Variants in NSUN3 observed in about 807,000 individuals in gnomAD.
NSUN3 encodes NOP2/Sun RNA methyltransferase 3, also known as tRNA (cytosine(34)-C(5))-methyltransferase, mitochondrial.
A neutral mutation model predicts 36.8 loss-of-function variants in NSUN3; 24 were observed. That is an observed-to-expected ratio of 0.65 (90% CI 0.47 to 0.92). The LOEUF is 0.92. NSUN3 is among the 40% of genes least tolerant of loss of function. The probability of loss-of-function intolerance (pLI) is 0.00; values close to 1 mark genes in which losing one functional copy is unlikely to be tolerated. For synonymous variants in NSUN3, 146 were observed against 145.2 expected (o/e 1.01, Z -0.04); for missense variants, 381 against 392.8 (o/e 0.97, Z 0.25).
intron 2 of NSUN3, chr3:94,076,414 C>G (rs2077246478): frequency 1.3e-6 from 1 of 798,660 alleles, no homozygotes; most frequent in Non-Finnish European, 2.3e-6. Flanking sequence ...AACAAGTATC[C>G]CAAATCATAA....
intron 4 of NSUN3, 104 bp downstream of exon 4, chr3:94,094,398 C>A: frequency 8.9e-7 from 1 of 1,128,282 alleles, no homozygotes; most frequent in South Asian, 1.7e-5. Flanking sequence ...TAGCCTGATA[C>A]AGTTTCTCAG....
intron 2 of NSUN3, chr3:94,076,909 A>G (rs1294067433): frequency 7.6e-7 from 1 of 1,322,784 alleles, no homozygotes; most frequent in Non-Finnish European, 1.1e-6. Context: ...GAGCATCATC[A>G]TTAGGGAGTT....
intron 5 of NSUN3, among the ~76,000 whole-genome samples, chr3:94,110,395 CTT>C (rs943910941): frequency 6.6e-6 from 1 of 151,856 alleles, no homozygotes; most frequent in Non-Finnish European, 1.5e-5. Context: ...TCAGTGATAA[CTT>C]TGGGTTACAA....
Position 94,130,812 on chromosome 3 carries a change from T to G in NSUN3, c.*4322T>G, listed in dbSNP as rs1021960728. Among the ~76,000 whole-genome samples the G allele has an allele frequency of 6.6e-6, 1 of 152,194 alleles. No individual in the cohort carries two copies. Among genetic ancestry groups the G allele is most frequent in the Non-Finnish European group, 1.5e-5 (1 of 68,028 alleles). Reference sequence around the variant, plus strand: ...CAGAAACCTCTTCCTAGCCACACAGTGGGAGCCTTGTTTGACCTTTTTTAA... The same window carrying G: ...CAGAAACCTCTTCCTAGCCACACAGGGGGAGCCTTGTTTGACCTTTTTTAA... On this transcript the variant is annotated 3_prime_UTR_variant, in exon 6 of 6. Transcript: ENST00000314622.
chr3:94,124,889 C>G (rs895267414), intron 5 of NSUN3, among the ~76,000 whole-genome samples: 2 of 152,032 alleles, frequency 1.3e-5, no homozygotes, highest in African/African-American at 2.4e-5. Flanking sequence ...AATAGAGGCT[C>G]AATAAATAAT....
intron 5 of NSUN3, 57 bp from the exon 6 acceptor site, chr3:94,126,154 C>T (rs762904643): frequency 6.9e-7 from 1 of 1,456,496 alleles, no homozygotes; most frequent in Non-Finnish European, 9.3e-7. Context: ...TGTCAGACCC[C>T]CTGGTTTCTT....
intron 3 of NSUN3, among the ~76,000 whole-genome samples, chr3:94,089,190 C>CT (rs999791020): frequency 3.9e-4 from 60 of 152,072 alleles, no homozygotes; most frequent in Non-Finnish European, 7.6e-4. Flanking sequence ...CTTTGCAGCA[C>CT]TTTTTTTTAC....
At chr3:94,121,288 A>G (rs1022584391) in intron 5 of NSUN3, among the ~76,000 whole-genome samples, 1 of 152,070 alleles carries the variant, frequency 6.6e-6, no homozygotes, top group Non-Finnish European at 1.5e-5. Context: ...TAGGCCAGCA[A>G]TCCTGTCAGT....
At chr3:94,078,544 G>A (rs1289706341) in intron 2 of NSUN3, among the ~76,000 whole-genome samples, 1 of 152,108 alleles carries the variant, frequency 6.6e-6, no homozygotes. Context: ...GGGTGTTAAA[G>A]TCTCCCACTA....
At chr3:94,097,912 A>C (rs928632673) in intron 5 of NSUN3, among the ~76,000 whole-genome samples, 1 of 152,064 alleles carries the variant, frequency 6.6e-6, no homozygotes, top group African/African-American at 2.4e-5. Context: ...AGCTTAGACT[A>C]TCTCTCAAAT....
At chr3:94,064,405 T>C in intron 1 of NSUN3, 32 bp from the exon 2 acceptor site, 1 of 1,314,600 alleles carries the variant, frequency 7.6e-7, no homozygotes, top group South Asian at 1.2e-5. Flanking sequence ...GTAATATCAC[T>C]GTGTGTCAGC....
At chr3:94,106,713 G>A (rs2077390907) in intron 5 of NSUN3, among the ~76,000 whole-genome samples, 1 of 152,002 alleles carries the variant, frequency 6.6e-6, no homozygotes, top group South Asian at 2.1e-4. Context: ...TTTGCCAGCA[G>A]AAATAGTAAA....
At position 94,128,519 on chromosome 3, in the gene NSUN3, A is replaced by C. The variant is rs985716436; in HGVS notation, c.*2029A>C. 1.3e-5 allele frequency: 2 copies of C among 149,810 alleles called. No individual in the cohort carries two copies. Among genetic ancestry groups the C allele is most frequent in the Non-Finnish European group, 3.0e-5 (2 of 67,560 alleles). The allele number at this position is 149,810 out of a possible 1,614,324, so 9.3% of individuals were successfully genotyped here. A position where few individuals can be genotyped will look rare whatever the true frequency, so the allele number is the denominator to read the frequency against. On this transcript the variant is annotated 3_prime_UTR_variant, in exon 6 of 6. Coordinates refer to ENST00000314622, the MANE Select transcript of NSUN3 (RefSeq NM_022072.5). ...ATCTGAATACTTGGTATGCTATTGA[A>C]TTTACTTTCCTATGATTACTGAAAA... is the stretch of plus-strand genomic sequence containing the variant.
At chr3:94,107,746 T>C (rs895723065) in intron 5 of NSUN3, among the ~76,000 whole-genome samples, 3 of 152,130 alleles carry the variant, frequency 2.0e-5, no homozygotes, top group African/African-American at 7.2e-5. Context: ...GGGGACACCA[T>C]ATCTCAATTT....
chr3:94,069,630 A>G (rs1420865363), intron 2 of NSUN3, among the ~76,000 whole-genome samples: 1 of 152,208 alleles, frequency 6.6e-6, no homozygotes, highest in African/African-American at 2.4e-5. Context: ...GTTGAATGAA[A>G]ATTATACTAT....
At chr3:94,108,197 G>A (rs764728503) in intron 5 of NSUN3, among the ~76,000 whole-genome samples, 23 of 151,470 alleles carry the variant, frequency 1.5e-4, no homozygotes, top group African/African-American at 3.9e-4. Context: ...ATTTCACCAC[G>A]TTTACTTTTT....
intron 2 of NSUN3, among the ~76,000 whole-genome samples, chr3:94,073,310 A>T (rs981251589): frequency 1.4e-4 from 22 of 152,210 alleles, no homozygotes; most frequent in Non-Finnish European, 2.8e-4. Context: ...TCCTTTGGGT[A>T]TATACCCAGT....
intron 2 of NSUN3, among the ~76,000 whole-genome samples, chr3:94,072,909 C>T (rs983161411): frequency 2.6e-5 from 4 of 151,968 alleles, no homozygotes; most frequent in Non-Finnish European, 5.9e-5. Flanking sequence ...ACCCATCAAC[C>T]CATCACCTAC....
intron 5 of NSUN3, among the ~76,000 whole-genome samples, chr3:94,113,121 C>G (rs2077424783): frequency 6.6e-6 from 1 of 152,148 alleles, no homozygotes; most frequent in Non-Finnish European, 1.5e-5. Flanking sequence ...ACCTCAGCCT[C>G]CCAAAGTGCT....
Sources: allele counts gnomAD v4.1 joint callset (sites outside exome capture counted in the v4.1 genomes callset), GRCh38; gene constraint gnomAD v4.1.1; transcripts MANE v1.5; gene names NCBI Gene and HGNC (gene_info 2026-07-23, HGNC 2026-07-21).